The following DIAPH3 variants were observed in gnomAD, a reference collection of about 807,000 sequenced individuals.
The protein encoded by DIAPH3 is diaphanous related formin 3, also known as protein diaphanous homolog 3.
A neutral mutation model predicts 144.3 loss-of-function variants in DIAPH3; 117 were observed. The ratio of observed to expected loss-of-function variants is 0.81; its 90% CI spans 0.70 to 0.95. The LOEUF is 0.95. Among genes scored for constraint, DIAPH3 ranks in the 40% least tolerant of loss-of-function variants. DIAPH3 has a pLI of 0.00. For missense variants in DIAPH3, 1,421 were observed against 1,412.7 expected (o/e 1.01, Z -0.09); for synonymous variants, 519 against 488.9 (o/e 1.06, Z -0.81).
intron 22 of DIAPH3, among the ~76,000 whole-genome samples, chr13:59,855,351 A>G (rs1278237841): frequency 6.6e-6 from 1 of 152,152 alleles, no homozygotes; most frequent in Non-Finnish European, 1.5e-5. Flanking sequence ...TTGTGAAAAA[A>G]GTATTAATTT....
intron 9 of DIAPH3, among the ~76,000 whole-genome samples, chr13:60,007,721 T>TA (rs1304054048): frequency 6.6e-6 from 1 of 152,100 alleles, no homozygotes; most frequent in East Asian, 1.9e-4. Flanking sequence ...TTCCTTTTTT[T>TA]AAAAAAAGAA....
chr13:60,095,940 C>T (rs1460166958), intron 3 of DIAPH3, among the ~76,000 whole-genome samples: 1 of 152,152 alleles, frequency 6.6e-6, no homozygotes, highest in African/African-American at 2.4e-5. Context: ...ATCTACCAAT[C>T]TACAATGCCA....
intron 24 of DIAPH3, among the ~76,000 whole-genome samples, chr13:59,829,974 T>C (rs1270691330): frequency 6.6e-6 from 1 of 151,914 alleles, no homozygotes; most frequent in East Asian, 1.9e-4. Context: ...TGCCAGTGGA[T>C]GAATAAACAA....
chr13:59,830,228 T>C (rs2041700926), intron 24 of DIAPH3, among the ~76,000 whole-genome samples: 1 of 151,764 alleles, frequency 6.6e-6, no homozygotes, highest in Non-Finnish European at 1.5e-5. Flanking sequence ...TTTTTGCCAA[T>C]ATTGCTACTC....
intron 24 of DIAPH3, among the ~76,000 whole-genome samples, chr13:59,832,250 T>C (rs2041815887): frequency 6.6e-6 from 1 of 151,848 alleles, no homozygotes; most frequent in East Asian, 1.9e-4. Flanking sequence ...TAAATTAGTT[T>C]TCCTTTAAAA....
chr13:59,732,751 G>A (rs1365169012), intron 27 of DIAPH3, among the ~76,000 whole-genome samples: 2 of 151,986 alleles, frequency 1.3e-5, no homozygotes, highest in Non-Finnish European at 2.9e-5. Context: ...GTGCTGGCCT[G>A]ATAGATATAT....
intron 27 of DIAPH3, among the ~76,000 whole-genome samples, chr13:59,680,585 A>C (rs1043668420): frequency 2.6e-5 from 4 of 151,202 alleles, no homozygotes; most frequent in African/African-American, 9.7e-5. Context: ...TTTTTAACTC[A>C]ATCAATGAAA....
At chr13:59,906,552 G>A (rs925144942) in intron 20 of DIAPH3, among the ~76,000 whole-genome samples, 17 of 152,086 alleles carry the variant, frequency 1.1e-4, no homozygotes, top group East Asian at 3.9e-4. Flanking sequence ...AGATATGCAC[G>A]AATTTCCTAC....
chr13:59,896,803 T>C (rs556669137), intron 20 of DIAPH3, among the ~76,000 whole-genome samples: 1 of 152,280 alleles, frequency 6.6e-6, no homozygotes, highest in East Asian at 1.9e-4. Context: ...TCTAATTACT[T>C]TTTTAGTAAT....
intron 21 of DIAPH3, among the ~76,000 whole-genome samples, chr13:59,870,118 A>G (rs2044167224): frequency 6.6e-6 from 1 of 151,612 alleles, no homozygotes; most frequent in South Asian, 2.1e-4. Context: ...ATTTAGGTCC[A>G]TGATAAATTT....
chr13:59,905,102 G>C (rs1263142057), intron 20 of DIAPH3, among the ~76,000 whole-genome samples: 1 of 151,988 alleles, frequency 6.6e-6, no homozygotes, highest in Non-Finnish European at 1.5e-5. Flanking sequence ...CAGCAGTTTG[G>C]GAGGCCGAGA....
intron 22 of DIAPH3, among the ~76,000 whole-genome samples, chr13:59,846,114 C>A (rs1018018855): frequency 6.6e-6 from 1 of 151,852 alleles, no homozygotes; most frequent in Non-Finnish European, 1.5e-5. Flanking sequence ...AAGTTAAAAT[C>A]GAAACTATAA....
At chr13:59,969,566 A>C (rs1322985054) in intron 17 of DIAPH3, among the ~76,000 whole-genome samples, 1 of 152,134 alleles carries the variant, frequency 6.6e-6, no homozygotes, top group East Asian at 1.9e-4. Context: ...TGTAATATTA[A>C]AGGGTAGTAA....
chr13:60,155,006 A>G (rs182526069), intron 1 of DIAPH3, among the ~76,000 whole-genome samples: 2 of 152,336 alleles, frequency 1.3e-5, no homozygotes, highest in Admixed American at 1.3e-4. Context: ...CCAATTTTAA[A>G]TCCAATTTAT....
intron 21 of DIAPH3, among the ~76,000 whole-genome samples, chr13:59,874,491 A>C: frequency 6.6e-6 from 1 of 152,188 alleles, no homozygotes; most frequent in East Asian, 1.9e-4. Flanking sequence ...GCATTAGAAA[A>C]GAGAATTTAG....
At chr13:60,103,277 C>T (rs1437369776) in intron 3 of DIAPH3, among the ~76,000 whole-genome samples, 1 of 151,974 alleles carries the variant, frequency 6.6e-6, no homozygotes, top group African/African-American at 2.4e-5. Flanking sequence ...CTGAATTACA[C>T]ACGTTAGACT....
intron 27 of DIAPH3, among the ~76,000 whole-genome samples, chr13:59,681,527 A>G (rs986370212): frequency 1.3e-5 from 2 of 152,148 alleles, no homozygotes; most frequent in African/African-American, 4.8e-5. Flanking sequence ...ATCCACAAAT[A>G]AGGAACTCAA....
chr13:60,084,797 G>T (rs966015898), intron 4 of DIAPH3, among the ~76,000 whole-genome samples: 1 of 152,062 alleles, frequency 6.6e-6, no homozygotes, highest in Non-Finnish European at 1.5e-5. Context: ...GCAGCATATT[G>T]ATAGTAAGAG....
intron 27 of DIAPH3, among the ~76,000 whole-genome samples, chr13:59,734,463 T>C (rs2036040272): frequency 6.6e-6 from 1 of 152,206 alleles, no homozygotes; most frequent in South Asian, 2.1e-4. Context: ...GATGAGTAGA[T>C]TTACCCCTTT....
Sources: gnomAD v4.1 joint callset for allele counts (sites outside exome capture counted in the v4.1 genomes callset) on GRCh38, gnomAD v4.1.1 for gene constraint, MANE v1.5 for transcripts, NCBI Gene and HGNC (gene_info 2026-07-23, HGNC 2026-07-21) for gene names.